SOX30: variants seen among roughly 807,000 people sequenced by gnomAD.
The protein encoded by SOX30 is transcription factor SOX-30.
A neutral mutation model predicts 58.6 loss-of-function variants in SOX30; 17 were observed. The observed-to-expected ratio is 0.29, with a 90% CI of 0.20 to 0.44. The LOEUF is 0.44. Among genes scored for constraint, SOX30 ranks in the 20% least tolerant of loss-of-function variants. SOX30 has a pLI of 1.00. For synonymous variants in SOX30, 421 were observed against 400.2 expected (o/e 1.05, Z -0.62); for missense variants, 951 against 965.8 (o/e 0.98, Z 0.20).
At chr5:157,653,131 G>C (rs1374732680), upstream of SOX30, among the ~76,000 whole-genome samples, 1 of 151,992 alleles carries the variant, frequency 6.6e-6, no homozygotes, top group Non-Finnish European at 1.5e-5. Context: ...TCTACTGCAG[G>C]GTGTTTAAAC....
intron 4 of SOX30, among the ~76,000 whole-genome samples, chr5:157,630,996 AT>A (rs1161981573): frequency 5.3e-4 from 71 of 134,202 alleles, no homozygotes; most frequent in Admixed American, 1.3e-3. Context: ...TACTATATAT[AT>A]TTTTTATATA....
chr5:157,642,651 A>C (rs1759095612), intron 3 of SOX30, among the ~76,000 whole-genome samples: 1 of 152,248 alleles, frequency 6.6e-6, no homozygotes, highest in Admixed American at 6.5e-5. Context: ...AAAATAAATA[A>C]ATAAAAAATA....
rs774118715 is a variant in SOX30 at position 157,659,895 on chromosome 5, G to A, written c.52+7903C>T. 2.0e-5 allele frequency among the ~76,000 whole-genome samples: 3 copies of A among 152,198 alleles called. No homozygotes were observed. The South Asian group carries it at 6.2e-4, about 31-fold the overall frequency. ...CTAGAATCAACAGAAGGGAGTGTCT[G>A]GGTTAAGATATGGGGTTGTGGATAC... is the stretch of plus-strand genomic sequence containing the variant. On this transcript the variant is annotated intron_variant, in intron 2 of 5. Coordinates refer to the SOX30 transcript ENST00000519442.
At chr5:157,643,683 T>C (rs1467826659) in intron 3 of SOX30, among the ~76,000 whole-genome samples, 1 of 152,124 alleles carries the variant, frequency 6.6e-6, no homozygotes, top group Admixed American at 6.5e-5. Context: ...ATTGTTTTTA[T>C]ATGAGAAAAA....
intron 3 of SOX30, among the ~76,000 whole-genome samples, chr5:157,645,299 G>A (rs1037727848): frequency 3.9e-5 from 6 of 152,106 alleles, no homozygotes; most frequent in Non-Finnish European, 8.8e-5. Context: ...CATATGGGTG[G>A]CTTTATTACC....
intron 4 of SOX30, 55 bp downstream of exon 4, chr5:157,638,175 G>A (rs1758974323): frequency 1.4e-6 from 2 of 1,469,866 alleles, no homozygotes. Context: ...TGTTGTCACA[G>A]GTAAAAACTC....
Position 157,651,764 on chromosome 5 carries a change from G to C in SOX30, c.315C>G (p.Pro105=), listed in dbSNP as rs542140751. The C allele has an allele frequency of 9.6e-6, 15 of 1,557,908 alleles. No homozygotes were observed. The highest frequency in any genetic ancestry group is 1.3e-5 in the Non-Finnish European group (15 of 1,154,734). ...SAQARLLQFR[P]DLRLLQPPTA... Reference sequence around the variant, plus strand: ...TCGGCGGCTGCAGGAGCCGCAGGTCGGGCCTGAACTGCAACAGCCGCGCCT... The same window carrying C: ...TCGGCGGCTGCAGGAGCCGCAGGTCCGGCCTGAACTGCAACAGCCGCGCCT... Residue 105 remains proline (P), a synonymous_variant, in exon 1 of 5, where the codon CCC becomes CCG. Transcript: ENST00000265007.
chr5:157,663,618 G>A (rs905145868), intron 2 of SOX30, among the ~76,000 whole-genome samples: 1 of 152,158 alleles, frequency 6.6e-6, no homozygotes, highest in Non-Finnish European at 1.5e-5. Context: ...TCAGGCAGAA[G>A]AAAGAAATAA....
intron 4 of SOX30, among the ~76,000 whole-genome samples, chr5:157,628,134 G>T (rs1758702922): frequency 6.6e-6 from 1 of 152,002 alleles, no homozygotes; most frequent in Non-Finnish European, 1.5e-5. Context: ...GGGCAATATA[G>T]TGAGACCCCC....
chr5:157,630,266 A>C (rs1581387616), intron 4 of SOX30, among the ~76,000 whole-genome samples: 1 of 152,306 alleles, frequency 6.6e-6, no homozygotes, highest in East Asian at 1.9e-4. Context: ...AGCTGATTTA[A>C]ACTGTCTATT....
intron 2 of SOX30, among the ~76,000 whole-genome samples, chr5:157,658,335 CTG>C (rs1489785896): frequency 6.6e-6 from 1 of 152,202 alleles, no homozygotes; most frequent in Non-Finnish European, 1.5e-5. Flanking sequence ...GTTTCAGAAA[CTG>C]TGGTACACTT....
chr5:157,648,442 T>G (rs1474794738), intron 2 of SOX30, among the ~76,000 whole-genome samples: 6 of 152,216 alleles, frequency 3.9e-5, no homozygotes, highest in African/African-American at 1.4e-4. Context: ...TATGAGTTGG[T>G]GAATATGAAA....
rs147343281 is a variant in SOX30, at chr5:157,651,471, C to T, written c.608G>A (p.Ser203Asn). The T allele has an allele frequency of 8.0e-5, 129 of 1,613,394 alleles. 1 individual carries two copies. In the African/African-American group the frequency reaches 1.4e-3, roughly 17 times the overall value. Residue 203 changes from serine to asparagine, a missense_variant, in exon 1 of 5, where the codon AGC (serine) becomes AAC (asparagine). Coordinates refer to ENST00000265007, the MANE Select transcript of SOX30 (RefSeq NM_178424.2). ...CACACCTTCTCGGATGGCTGCCGGG[C>T]TTTTGCCTGCCCCGCCTTGCATCGA... Reference protein sequence around the residue: ...RDSMQGGAGKSPAAIREGVIK... With the variant: ...RDSMQGGAGKNPAAIREGVIK...
intron 4 of SOX30, among the ~76,000 whole-genome samples, chr5:157,636,580 C>A (rs1182827180): frequency 6.6e-6 from 1 of 152,176 alleles, no homozygotes; most frequent in Non-Finnish European, 1.5e-5. Flanking sequence ...CAAAAATCTT[C>A]CTTTCTCCTG....
intron 1 of SOX30, among the ~76,000 whole-genome samples, chr5:157,669,182 G>A (rs1759726268): frequency 6.6e-6 from 1 of 152,130 alleles, no homozygotes; most frequent in South Asian, 2.1e-4. Context: ...TGCTGGGATT[G>A]GGGAGGGAAG....
At chr5:157,667,627 T>C (rs555469893) in intron 2 of SOX30, among the ~76,000 whole-genome samples, 80 of 152,114 alleles carry the variant, frequency 5.3e-4, no homozygotes, top group Non-Finnish European at 1.1e-3. Flanking sequence ...CCAGCTACTT[T>C]ACTCTGGAGG....
intron 4 of SOX30, among the ~76,000 whole-genome samples, chr5:157,628,317 T>C (rs1249835861): frequency 2.7e-5 from 4 of 150,174 alleles, no homozygotes; most frequent in Admixed American, 6.6e-5. Flanking sequence ...ATAATGACCA[T>C]ACTCATCGGC....
At chr5:157,628,365 TCACACACACACACACACACA>T (rs70984476) in intron 4 of SOX30, among the ~76,000 whole-genome samples, 10 of 139,706 alleles carry the variant, frequency 7.2e-5, no homozygotes, top group African/African-American at 1.0e-4. Flanking sequence ...TTTCTGGCCT[TCACACACACACACACACACA>T]CACACACACA....
chr5:157,646,880 T>C (rs1581398406), intron 2 of SOX30, 64 bp from the exon 3 acceptor site: 1 of 1,218,362 alleles, frequency 8.2e-7, no homozygotes, highest in Non-Finnish European at 1.2e-6. Context: ...ATTTTTTTCA[T>C]ACTAAAATGC....
Sources: gnomAD v4.1 joint callset for allele counts (sites outside exome capture counted in the v4.1 genomes callset) on GRCh38, gnomAD v4.1.1 for gene constraint, MANE v1.5 for transcripts, NCBI Gene and HGNC (gene_info 2026-07-23, HGNC 2026-07-21) for gene names.